SH3KBP1: variants seen among roughly 807,000 people sequenced by gnomAD.
SH3KBP1 encodes SH3 domain containing kinase binding protein 1, also known as SH3 domain-containing kinase-binding protein 1.
SH3KBP1 carries 8 observed loss-of-function variants against 50.1 expected under a neutral mutation model. The observed-to-expected ratio is 0.16, with a 90% CI of 0.09 to 0.29. The LOEUF (loss-of-function observed/expected upper bound fraction) is 0.29. Ranked by LOEUF, SH3KBP1 falls within the 10% of genes least tolerant of loss-of-function variation. The probability of loss-of-function intolerance (pLI) is 1.00; values close to 1 mark genes in which losing one functional copy is unlikely to be tolerated. For missense variants in SH3KBP1, 377 were observed against 535.2 expected, an observed-to-expected ratio of 0.70 and a Z score of 2.92; for synonymous variants, 227 against 218.6, an observed-to-expected ratio of 1.04 and a Z score of -0.34.
intron 3 of SH3KBP1, among the ~76,000 whole-genome samples, chrX:19,724,051 G>A (rs1340834769): frequency 2.7e-5 from 3 of 111,945 alleles, no homozygotes. Flanking sequence ...CAGGAAAGGT[G>A]CAAAGGTGTA....
intron 8 of SH3KBP1, among the ~76,000 whole-genome samples, chrX:19,609,965 T>C (rs1378717589): frequency 9.0e-6 from 1 of 111,707 alleles, no homozygotes; most frequent in African/African-American, 3.3e-5. Context: ...TAGCAAGTAA[T>C]TCATCACCAC....
At chrX:19,886,939 G>A (rs914835299) in intron 1 of SH3KBP1, among the ~76,000 whole-genome samples, 20 of 109,434 alleles carry the variant, frequency 1.8e-4, no homozygotes, top group Non-Finnish European at 2.3e-4. Context: ...CCAGGTCCGG[G>A]TGCCCGTGTC....
intron 13 of SH3KBP1, among the ~76,000 whole-genome samples, chrX:19,559,420 G>A (rs1257434420): frequency 9.7e-6 from 1 of 102,635 alleles, no homozygotes; most frequent in African/African-American, 3.6e-5. Context: ...TCCGCCTCCC[G>A]GGTTCAAGCG....
intron 12 of SH3KBP1, among the ~76,000 whole-genome samples, chrX:19,583,210 A>G (rs1381299976): frequency 1.9e-5 from 2 of 107,510 alleles, no homozygotes; most frequent in African/African-American, 3.4e-5. Flanking sequence ...CTGGAGAGCA[A>G]TGGTGCAATC....
chrX:19,878,167 T>G (rs1432871599), intron 1 of SH3KBP1, among the ~76,000 whole-genome samples: 1 of 111,958 alleles, frequency 8.9e-6, no homozygotes, highest in Admixed American at 9.5e-5. Context: ...AACCAAGTGC[T>G]CATGATCACA....
intron 2 of SH3KBP1, among the ~76,000 whole-genome samples, chrX:19,771,222 C>A (rs1308318757): frequency 1.8e-5 from 2 of 112,411 alleles, no homozygotes; most frequent in African/African-American, 6.5e-5. Flanking sequence ...GAAGTAATCA[C>A]AGATGTGCTT....
At chrX:19,834,804 C>T (rs762038457) in intron 2 of SH3KBP1, among the ~76,000 whole-genome samples, 5 of 110,271 alleles carry the variant, frequency 4.5e-5, no homozygotes, top group Non-Finnish European at 7.6e-5. Flanking sequence ...CTGAGGTGGG[C>T]GGATCACTTG....
At chrX:19,719,451 T>TA (rs1320203543) in intron 3 of SH3KBP1, among the ~76,000 whole-genome samples, 3 of 111,555 alleles carry the variant, frequency 2.7e-5, no homozygotes, top group African/African-American at 9.8e-5. Flanking sequence ...TCCAACGTAA[T>TA]AGTCAAAGGG....
At chrX:19,571,798 C>G (rs1411569419) in intron 12 of SH3KBP1, among the ~76,000 whole-genome samples, 1 of 109,976 alleles carries the variant, frequency 9.1e-6, no homozygotes, top group African/African-American at 3.3e-5. Context: ...AAAGAGAGCA[C>G]TCAGGCAGTG....
At chrX:19,877,679 G>A in intron 1 of SH3KBP1, among the ~76,000 whole-genome samples, 1 of 112,303 alleles carries the variant, frequency 8.9e-6, no homozygotes, top group Middle Eastern at 4.6e-3. Context: ...CATACTGGCT[G>A]GTAAGAAGCT....
chrX:19,757,006 C>A, intron 2 of SH3KBP1, among the ~76,000 whole-genome samples: 1 of 110,652 alleles, frequency 9.0e-6, no homozygotes, highest in African/African-American at 3.3e-5. Context: ...ACCAGGTGGC[C>A]GAGGGACAGA....
intron 17 of SH3KBP1, among the ~76,000 whole-genome samples, chrX:19,537,463 G>GAA (rs367732402): frequency 0.29 from 19,487 of 66,530 alleles, 1,937 homozygotes; most frequent in Middle Eastern, 0.37. Context: ...GTCTCAAAAA[G>GAA]AAAAAAAAAA....
chrX:19,644,873 C>T (rs923723015), intron 7 of SH3KBP1, among the ~76,000 whole-genome samples: 2 of 111,408 alleles, frequency 1.8e-5, no homozygotes, highest in African/African-American at 3.3e-5. Flanking sequence ...ACACAGTTAA[C>T]CCCTCCCATT....
Position 19,548,841 on chromosome X carries a change from G to GAGAGAA in SH3KBP1, c.1494+1127_1494+1132dup, listed in dbSNP as rs1308575678. Among the ~76,000 whole-genome samples the GAGAGAA allele has an allele frequency of 3.6e-5, 4 of 110,746 alleles. No homozygotes were observed. The Admixed American group carries it at 3.9e-4, about 11-fold the overall frequency. On this transcript the variant is annotated intron_variant, in intron 14 of 17. Transcript: ENST00000397821. The stretch of plus-strand genomic sequence containing the variant: ...ATGGAAATAAAGAGAGAGAGAGAGA[G>GAGAGAA]AGAGAAATCGAACTTATACACAAAC...
At chrX:19,735,240 T>A (rs2064514912) in intron 3 of SH3KBP1, among the ~76,000 whole-genome samples, 1 of 111,701 alleles carries the variant, frequency 9.0e-6, no homozygotes, top group Non-Finnish European at 1.9e-5. Flanking sequence ...AGTTTGTTGA[T>A]CATTTCTAAG....
chrX:19,774,180 T>C (rs1259951790), intron 2 of SH3KBP1, among the ~76,000 whole-genome samples: 1 of 111,639 alleles, frequency 9.0e-6, no homozygotes, highest in African/African-American at 3.3e-5. Context: ...TGACTGTCTT[T>C]TTTTTAGGGC....
chrX:19,781,862 A>G lies in SH3KBP1; in HGVS notation c.163-35421T>C, dbSNP rs756814924. On this transcript the variant is annotated intron_variant, in intron 2 of 17. Coordinates refer to ENST00000397821, the MANE Select transcript of SH3KBP1 (RefSeq NM_031892.3). ...AATGGGTGAATTACATGATATTTAA[A>G]ATGTGCCTCAATAAAGTTACTTTCT... Among the ~76,000 whole-genome samples the G allele has an allele frequency of 1.9e-4, 21 of 111,728 alleles. 1 individual carries two copies. The highest frequency in any genetic ancestry group is 9.2e-3 in the Middle Eastern group (2 of 217).
At chrX:19,849,192 CT>C (rs2068438142) in intron 1 of SH3KBP1, among the ~76,000 whole-genome samples, 1 of 110,757 alleles carries the variant, frequency 9.0e-6, no homozygotes, top group Admixed American at 9.7e-5. Context: ...GCAAAATATT[CT>C]TGCCAACAAA....
At chrX:19,631,823 G>T in intron 8 of SH3KBP1, 41 bp downstream of exon 8, 1 of 920,198 alleles carries the variant, frequency 1.1e-6, no homozygotes, top group Non-Finnish European at 1.6e-6. Flanking sequence ...ACACCCCAAA[G>T]CAGTTCGCGA....
Sources: gnomAD v4.1 joint callset for allele counts (sites outside exome capture counted in the v4.1 genomes callset) on GRCh38, gnomAD v4.1.1 for gene constraint, MANE v1.5 for transcripts, NCBI Gene and HGNC (gene_info 2026-07-23, HGNC 2026-07-21) for gene names.